Variants in ATP10D observed in about 807,000 individuals in gnomAD.
ATP10D encodes the protein ATPase phospholipid transporting 10D (putative), also known as phospholipid-transporting ATPase VD.
ATP10D carries 89 observed loss-of-function variants against 144.8 expected under a neutral mutation model. The observed-to-expected ratio is 0.61, with a 90% CI of 0.52 to 0.73. ATP10D has a LOEUF of 0.73. Among genes scored for constraint, ATP10D ranks in the 30% least tolerant of loss-of-function variants. ATP10D has a pLI of 0.00. For synonymous variants in ATP10D, 571 were observed against 615.1 expected, an observed-to-expected ratio of 0.93 and a Z score of 1.06; for missense variants, 1,603 against 1,714.8, an observed-to-expected ratio of 0.93 and a Z score of 1.15.
At chr4:47,492,682 T>G (rs1353685199) in intron 1 of ATP10D, among the ~76,000 whole-genome samples, 1 of 152,184 alleles carries the variant, frequency 6.6e-6, no homozygotes, top group African/African-American at 2.4e-5. Flanking sequence ...ATGTAATAAT[T>G]ATATTAATAT....
chr4:47,560,989 A>AT lies in ATP10D; in HGVS notation c.2588dup (p.Leu863PhefsTer3). The AT allele has an allele frequency of 6.2e-7, 1 of 1,614,100 alleles. No homozygotes were observed. The highest frequency in any genetic ancestry group is 8.5e-7 in the Non-Finnish European group (1 of 1,179,946). ...GAATATGCAGAGTGGCTGAGGAATC[A>AT]TTTTTTAGCTGAAACCAGCATTGAC... On this transcript the variant is annotated frameshift_variant, in exon 14 of 23. Transcript: ENST00000273859. LOFTEE classifies it high-confidence loss of function.
chr4:47,490,945 TCAGAAG>T, intron 1 of ATP10D: 1 of 511,956 alleles, frequency 2.0e-6, no homozygotes, highest in Non-Finnish European at 3.6e-6. Context: ...TTTTTTTCAG[TCAGAAG>T]TCTTTTATTT....
intron 10 of ATP10D, among the ~76,000 whole-genome samples, chr4:47,550,597 G>A (rs1718684148): frequency 6.6e-6 from 1 of 152,042 alleles, no homozygotes; most frequent in Admixed American, 6.6e-5. Context: ...TCTGACCTGG[G>A]GTTCTTGGCC....
intron 1 of ATP10D, chr4:47,490,878 G>A (rs1376359952): frequency 2.8e-5 from 11 of 387,544 alleles, no homozygotes; most frequent in South Asian, 1.5e-4. Context: ...CAGATGAGTC[G>A]TCCTTCCTTT....
chr4:47,547,789 G>A (rs1387113160), intron 10 of ATP10D, among the ~76,000 whole-genome samples: 1 of 152,132 alleles, frequency 6.6e-6, no homozygotes, highest in Non-Finnish European at 1.5e-5. Flanking sequence ...GAACTTCCCA[G>A]GATCCTGGCT....
rs1243636611 is a variant in ATP10D at position 47,563,689 on chromosome 4, C to G, written c.2777C>G (p.Thr926Arg). 6.2e-7 allele frequency: 1 copy of G among 1,613,988 alleles called. No individual in the cohort carries two copies. The highest frequency in any genetic ancestry group is 1.7e-5 in the Admixed American group (1 of 60,010). Residue 926 changes from threonine to arginine, a missense_variant, in exon 15 of 23, where the codon ACA becomes AGA. Coordinates refer to ENST00000273859, the MANE Select transcript of ATP10D (RefSeq NM_020453.4). ...IWMLTGDKQE[T>R]AVNIAYACKL... ...ATGCTGACAGGGGACAAGCAGGAGA[C>G]AGCTGTCAACATAGCTTATGCATGC...
At chr4:47,535,850 G>C (rs372444212) in intron 6 of ATP10D, 52 bp from the exon 7 acceptor site, 1 of 1,561,460 alleles carries the variant, frequency 6.4e-7, no homozygotes, top group East Asian at 2.3e-5. Flanking sequence ...TATGGTATTC[G>C]CTTCTTGGCT....
intron 6 of ATP10D, 90 bp downstream of exon 6, chr4:47,535,705 C>A: frequency 2.1e-6 from 3 of 1,436,226 alleles, no homozygotes; most frequent in Admixed American, 2.3e-5. Context: ...TCTGTTGAAG[C>A]AGAAAGGAAA....
chr4:47,550,674 G>C (rs1323332824), intron 10 of ATP10D, among the ~76,000 whole-genome samples: 1 of 152,134 alleles, frequency 6.6e-6, no homozygotes, highest in East Asian at 1.9e-4. Context: ...AGAAGCCATG[G>C]GTCACGGAAG....
At chr4:47,511,498 C>T (rs1716325188) in intron 1 of ATP10D, among the ~76,000 whole-genome samples, 1 of 152,158 alleles carries the variant, frequency 6.6e-6, no homozygotes, top group African/African-American at 2.4e-5. Flanking sequence ...GAACCCCTTT[C>T]TTTCCTATTT....
intron 1 of ATP10D, among the ~76,000 whole-genome samples, chr4:47,502,503 A>G (rs1715754178): frequency 6.6e-6 from 1 of 150,990 alleles, no homozygotes; most frequent in African/African-American, 2.4e-5. Context: ...GTATTGAAGA[A>G]GAGAAGCATT....
chr4:47,533,445 G>A (rs568907412), intron 5 of ATP10D, among the ~76,000 whole-genome samples: 100 of 152,144 alleles, frequency 6.6e-4, no homozygotes, highest in Middle Eastern at 6.8e-3. Flanking sequence ...TGATAAATCT[G>A]TCTTTCTCTT....
rs562689117 is a variant in ATP10D, at chr4:47,561,404, A to G, written c.2668+329A>G. ...AATATCAAGAATAGAGTTTCTTGTC[A>G]GGCATTGGATAAGGTGCTTAATACG... On this transcript the variant is annotated intron_variant, in intron 14 of 22. Coordinates refer to ENST00000273859, the MANE Select transcript of ATP10D (RefSeq NM_020453.4). Among the ~76,000 whole-genome samples the G allele has an allele frequency of 1.9e-4, 29 of 152,346 alleles. 1 individual carries two copies. Among genetic ancestry groups the G allele is most frequent in the Non-Finnish European group, 2.2e-4 (15 of 68,028 alleles).
rs572758595 is a variant in ATP10D at position 47,586,765 on chromosome 4, T to C, written c.3754-254T>C. ...GACACCTCTTGGTGCATGGATAGTA[T>C]AGAATAAACTAATCAACAGAATTCC... On this transcript the variant is annotated intron_variant, in intron 21 of 22. Transcript: ENST00000273859. Among the ~76,000 whole-genome samples the C allele has an allele frequency of 3.9e-5, 6 of 152,348 alleles. No homozygotes were observed. The East Asian group carries it at 9.6e-4, about 24-fold the overall frequency.
At chr4:47,586,691 G>A (rs1394228640) in intron 21 of ATP10D, among the ~76,000 whole-genome samples, 1 of 152,072 alleles carries the variant, frequency 6.6e-6, no homozygotes, top group East Asian at 1.9e-4. Flanking sequence ...AGTTAACAAG[G>A]AAACAGACCA....
At position 47,558,944 on chromosome 4, in the gene ATP10D, A is replaced by G. The variant is rs747095677; in HGVS notation, c.2456A>G (p.Gln819Arg). Residue 819 changes from glutamine to arginine, a missense_variant, in exon 13 of 23, where the codon CAA becomes CGA. Coordinates refer to ENST00000273859, the MANE Select transcript of ATP10D (RefSeq NM_020453.4). ...ASPDGASLEK[Q>R]QMIVREKTQK... is the part of the protein sequence containing the mutation. ...TCAGATGGAGCAAGTCTGGAGAAAC[A>G]ACAGATGATAGTAAGGGAGAAAACC... 6.2e-7 allele frequency: 1 copy of G among 1,613,968 alleles called. No homozygotes were observed. The highest frequency in any genetic ancestry group is 8.5e-7 in the Non-Finnish European group (1 of 1,179,976).
intron 16 of ATP10D, among the ~76,000 whole-genome samples, chr4:47,571,837 TTGTTATCA>T (rs1012929819): frequency 6.6e-6 from 1 of 152,194 alleles, no homozygotes; most frequent in African/African-American, 2.4e-5. Flanking sequence ...CAGGACAGTG[TTGTTATCA>T]TGTGCGTGGC....
intron 4 of ATP10D, among the ~76,000 whole-genome samples, chr4:47,525,032 T>G (rs1351068858): frequency 6.6e-6 from 1 of 152,208 alleles, no homozygotes; most frequent in East Asian, 1.9e-4. Context: ...GGCACTTTGC[T>G]TATTTGTTCA....
Position 47,558,841 on chromosome 4 carries a change from G to C in ATP10D, c.2435-82G>C, listed in dbSNP as rs943379558. The C allele has an allele frequency of 2.6e-6, 3 of 1,155,690 alleles. No individual in the cohort carries two copies. In the African/African-American group the frequency reaches 4.7e-5, roughly 18 times the overall value. The allele number at this position is 1,155,690 out of a possible 1,614,324, so 71.6% of individuals were successfully genotyped here. A position where few individuals can be genotyped will look rare whatever the true frequency, so the allele number is the denominator to read the frequency against. On this transcript the variant is annotated intron_variant, in intron 12 of 22. Transcript: ENST00000273859. The stretch of plus-strand genomic sequence containing the variant: ...CTTTTTTATTTGTTTTTTTAGTGTG[G>C]ATAAAACTACTATTGTTTTAAAAAG...
Sources: allele counts gnomAD v4.1 joint callset (sites outside exome capture counted in the v4.1 genomes callset), GRCh38; gene constraint gnomAD v4.1.1; transcripts MANE v1.5; gene names NCBI Gene and HGNC (gene_info 2026-07-23, HGNC 2026-07-21).